PARP8: variants seen among roughly 807,000 people sequenced by gnomAD.
The protein encoded by PARP8 is poly(ADP-ribose) polymerase family member 8.
Under a neutral mutation model 124.1 loss-of-function variants are expected in PARP8, and 51 were observed. That is an observed-to-expected ratio of 0.41 (90% CI 0.33 to 0.52). The LOEUF is 0.52. Among genes scored for constraint, PARP8 ranks in the 20% least tolerant of loss-of-function variants. The pLI is 0.21. For missense variants in PARP8, 860 were observed against 1,018.9 expected (o/e 0.84, Z 2.12); for synonymous variants, 391 against 361.5 (o/e 1.08, Z -0.93).
At chr5:50,794,697 G>T (rs1742331891) in intron 11 of PARP8, among the ~76,000 whole-genome samples, 156 bp from the exon 12 acceptor site, 1 of 151,990 alleles carries the variant, frequency 6.6e-6, no homozygotes, top group Non-Finnish European at 1.5e-5. Flanking sequence ...TGATCATTCT[G>T]CACATACCTT....
chr5:50,840,648 C>A (rs1353339662), intron 25 of PARP8, among the ~76,000 whole-genome samples: 1 of 151,678 alleles, frequency 6.6e-6, no homozygotes, highest in Non-Finnish European at 1.5e-5. Flanking sequence ...GGGCTGAAAT[C>A]ATTGATTTTG....
At position 50,764,392 on chromosome 5, in the gene PARP8, G is replaced by T. The variant is rs72756130; in HGVS notation, c.518+1150G>T. On this transcript the variant is annotated intron_variant, in intron 7 of 25. Coordinates refer to ENST00000281631, the MANE Select transcript of PARP8 (RefSeq NM_024615.4). ...AAAAAGACATTCACATTATCTGGTT[G>T]TAACTTCTTCAATGGACATATGCAT... Among the ~76,000 whole-genome samples the T allele has an allele frequency of 3.0e-3, 460 of 152,270 alleles. 1 individual carries two copies. Among genetic ancestry groups the T allele is most frequent in the Non-Finnish European group, 5.1e-3 (347 of 68,028 alleles).
intron 2 of PARP8, among the ~76,000 whole-genome samples, chr5:50,705,382 G>T (rs184904049): frequency 6.6e-6 from 1 of 152,248 alleles, no homozygotes; most frequent in East Asian, 1.9e-4. Context: ...ACAGTTGAAA[G>T]ATTAAAAATA....
intron 3 of PARP8, among the ~76,000 whole-genome samples, chr5:50,756,423 AT>A (rs890516005): frequency 6.6e-6 from 1 of 151,646 alleles, no homozygotes; most frequent in African/African-American, 2.4e-5. Flanking sequence ...CTCTAAACAA[AT>A]TTTTTTTTAC....
intron 2 of PARP8, among the ~76,000 whole-genome samples, chr5:50,677,314 CAAAAA>C (rs35154231): frequency 1.6e-5 from 2 of 128,962 alleles, no homozygotes; most frequent in Admixed American, 7.7e-5. Context: ...AGATATGCAG[CAAAAA>C]AAAAAAAAAA....
At chr5:50,773,709 CAG>C (rs921232733) in intron 7 of PARP8, among the ~76,000 whole-genome samples, 1 of 151,984 alleles carries the variant, frequency 6.6e-6, no homozygotes, top group African/African-American at 2.4e-5. Context: ...GATATTTTGA[CAG>C]GGGTTGCATT....
At chr5:50,772,930 C>T (rs545218058) in intron 7 of PARP8, among the ~76,000 whole-genome samples, 1 of 151,914 alleles carries the variant, frequency 6.6e-6, no homozygotes, top group Admixed American at 6.6e-5. Flanking sequence ...AACTCCTGAC[C>T]CAGTAGATCT....
chr5:50,716,064 C>G (rs1388124981), intron 2 of PARP8, among the ~76,000 whole-genome samples: 1 of 152,052 alleles, frequency 6.6e-6, no homozygotes, highest in Non-Finnish European at 1.5e-5. Flanking sequence ...ATGAGTAATT[C>G]TTTCCAAAAA....
intron 2 of PARP8, among the ~76,000 whole-genome samples, chr5:50,728,162 A>G (rs1360591592): frequency 1.3e-5 from 2 of 152,190 alleles, no homozygotes; most frequent in East Asian, 1.9e-4. Context: ...GTAGAAGTAA[A>G]TGATGGCTTA....
chr5:50,820,552 CA>C (rs1745644039), intron 15 of PARP8, among the ~76,000 whole-genome samples: 1 of 152,162 alleles, frequency 6.6e-6, no homozygotes, highest in Admixed American at 6.5e-5. Context: ...TGTCTTTAGC[CA>C]ATCAAAGGTC....
chr5:50,753,617 A>T (rs1322219825), intron 3 of PARP8, among the ~76,000 whole-genome samples: 1 of 152,142 alleles, frequency 6.6e-6, no homozygotes, highest in East Asian at 1.9e-4. Context: ...GTTAATTAAT[A>T]GTATTTAATT....
rs1029870013 is a variant in PARP8, at chr5:50,744,763, A to G, written c.147-5388A>G. The G allele has an allele frequency of 4.1e-5, 29 of 701,610 alleles. No individual in the cohort carries two copies. In the Admixed American group the frequency reaches 5.6e-4, roughly 14 times the overall value. The allele number at this position is 701,610 out of a possible 1,614,324, so 43.5% of individuals were successfully genotyped here. On this transcript the variant is annotated intron_variant, in intron 2 of 25. Transcript: ENST00000281631. ...ATTCAGAGCTTGCTCCAGGGATGTGAGGACAAAAGATGAGTATGACTTTTA... is the reference window on the plus strand; with the variant it reads ...ATTCAGAGCTTGCTCCAGGGATGTGGGGACAAAAGATGAGTATGACTTTTA...
intron 7 of PARP8, among the ~76,000 whole-genome samples, chr5:50,771,379 A>G (rs952533457): frequency 2.0e-5 from 3 of 152,194 alleles, no homozygotes; most frequent in Admixed American, 6.5e-5. Context: ...GGCTGGTCTC[A>G]AACTCCTGAC....
intron 9 of PARP8, among the ~76,000 whole-genome samples, chr5:50,783,289 C>T (rs375425938): frequency 1.1e-4 from 16 of 152,046 alleles, no homozygotes; most frequent in African/African-American, 2.9e-4. Context: ...GTCCAACCAG[C>T]GCTTCCATTA....
Position 50,842,257 on chromosome 5 carries a change from G to A in PARP8, c.*189G>A, listed in dbSNP as rs547415148. Reference sequence around the variant, plus strand: ...TAAAATGGTATAAGATTTATCAATTGTAGGGTTATGGAATCTAGTAATAAA... The same window carrying A: ...TAAAATGGTATAAGATTTATCAATTATAGGGTTATGGAATCTAGTAATAAA... On this transcript the variant is annotated 3_prime_UTR_variant, in exon 26 of 26. Coordinates refer to ENST00000281631, the MANE Select transcript of PARP8 (RefSeq NM_024615.4). 5 of 443,154 alleles carry A rather than the reference G, an allele frequency of 1.1e-5. No homozygotes were observed. The highest frequency in any genetic ancestry group is 9.1e-5 in the South Asian group (3 of 32,994). 27.5% of individuals were successfully genotyped at this position (443,154 alleles called of 1,614,324 possible).
chr5:50,779,246 TCTA>T (rs1337398478), intron 9 of PARP8, among the ~76,000 whole-genome samples: 2 of 151,792 alleles, frequency 1.3e-5, no homozygotes, highest in African/African-American at 4.8e-5. Flanking sequence ...CACAATTGTA[TCTA>T]CTTATATTGT....
chr5:50,783,248 C>A (rs754118940), intron 9 of PARP8, among the ~76,000 whole-genome samples: 14 of 152,094 alleles, frequency 9.2e-5, no homozygotes, highest in Admixed American at 3.3e-4. Flanking sequence ...GGAAATAATA[C>A]CTTGATTCTC....
Position 50,803,196 on chromosome 5 carries a change from T to C in PARP8, c.1575+5963T>C, listed in dbSNP as rs1337702417. The stretch of plus-strand genomic sequence containing the variant: ...TTGTGGTTTCCCATGAAAAATGACC[T>C]GTTTTCTTGTTGAGGATTCCTTGTT... On this transcript the variant is annotated intron_variant, in intron 14 of 25. Coordinates refer to ENST00000281631, the MANE Select transcript of PARP8 (RefSeq NM_024615.4). Among the ~76,000 whole-genome samples, 3 of 152,174 alleles carry C rather than the reference T, an allele frequency of 2.0e-5. No individual in the cohort carries two copies. The East Asian group carries it at 5.8e-4, about 29-fold the overall frequency.
intron 14 of PARP8, among the ~76,000 whole-genome samples, chr5:50,807,660 G>T (rs1332115596): frequency 1.3e-5 from 2 of 152,030 alleles, no homozygotes; most frequent in African/African-American, 4.8e-5. Flanking sequence ...CTCAATCGTG[G>T]ATTGGTATAA....
Sources: gnomAD v4.1 joint callset for allele counts (sites outside exome capture counted in the v4.1 genomes callset) on GRCh38, gnomAD v4.1.1 for gene constraint, MANE v1.5 for transcripts, NCBI Gene and HGNC (gene_info 2026-07-23, HGNC 2026-07-21) for gene names.